Variants in ANKEF1 observed in about 807,000 individuals in gnomAD.
ANKEF1 encodes ankyrin repeat and EF-hand domain-containing protein 1.
Under a neutral mutation model 65.1 loss-of-function variants are expected in ANKEF1, and 43 were observed. The observed-to-expected ratio is 0.66, with a 90% CI of 0.52 to 0.85. The LOEUF is 0.85. ANKEF1 is among the 40% of genes least tolerant of loss of function. The pLI is 0.00. For missense variants in ANKEF1, 934 were observed against 952.9 expected, an observed-to-expected ratio of 0.98 and a Z score of 0.26; for synonymous variants, 316 against 341.5, an observed-to-expected ratio of 0.93 and a Z score of 0.82.
chr20:10,035,673 T>G (rs1331690648), intron 2 of ANKEF1, 31 bp downstream of exon 2: 2 of 152,154 alleles, frequency 1.3e-5, no homozygotes, highest in Non-Finnish European at 2.9e-5. Context: ...TATATCCAAC[T>G]AGTTTGTGTA....
chr20:10,049,778 C>CTTA lies in ANKEF1; in HGVS notation c.1209_1210insTTA (p.Asn403_Lys404insLeu), dbSNP rs754209169. On this transcript the variant is annotated inframe_insertion, in exon 7 of 11. Transcript: ENST00000378392. ...TCTTTAAAGGAACCAGATATTTAAACAAGTCTTTTGTCTTAGGATCGTATG... is the reference window on the plus strand; with the variant it reads ...TCTTTAAAGGAACCAGATATTTAAACTTAAAGTCTTTTGTCTTAGGATCGTATG... 2 of 1,613,880 alleles carry CTTA rather than the reference C, an allele frequency of 1.2e-6. No individual in the cohort carries two copies. The highest frequency in any genetic ancestry group is 2.7e-5 in the African/African-American group (2 of 74,886).
chr20:10,057,352 A>C lies in ANKEF1; in HGVS notation c.*1692A>C, dbSNP rs2122295486. The C allele has an allele frequency of 6.6e-6, 1 of 152,168 alleles. No homozygotes were observed. Among genetic ancestry groups the C allele is most frequent in the South Asian group, 2.1e-4 (1 of 4,808 alleles). 9.4% of individuals were successfully genotyped at this position (152,168 alleles called of 1,614,324 possible). On this transcript the variant is annotated 3_prime_UTR_variant, in exon 11 of 11. Coordinates refer to ENST00000378392, the MANE Select transcript of ANKEF1 (RefSeq NM_022096.6). ...ATCCCAAGATTTGCTATTACAACTA[A>C]ATTTTGTCTGTTTTGTAAGGTTTTG...
At chr20:10,052,784 T>G (rs1052548187) in intron 8 of ANKEF1, among the ~76,000 whole-genome samples, 3 of 152,114 alleles carry the variant, frequency 2.0e-5, no homozygotes, top group Non-Finnish European at 4.4e-5. Flanking sequence ...AGAAGGAAAT[T>G]TGCACAATGT....
intron 2 of ANKEF1, among the ~76,000 whole-genome samples, chr20:10,036,964 G>T (rs1747899511): frequency 6.6e-6 from 1 of 152,130 alleles, no homozygotes; most frequent in Admixed American, 6.5e-5. Context: ...CAGCAAAGGA[G>T]CCTGAGCAGG....
chr20:10,039,589 A>G (rs552372407), intron 3 of ANKEF1, among the ~76,000 whole-genome samples: 207 of 152,366 alleles, frequency 1.4e-3, no homozygotes, highest in Non-Finnish European at 1.4e-3. Context: ...ACGTAAGAAA[A>G]TAAACTTCAG....
At chr20:10,050,862 C>A (rs140400046) in intron 7 of ANKEF1, among the ~76,000 whole-genome samples, 35 of 152,248 alleles carry the variant, frequency 2.3e-4, no homozygotes, top group African/African-American at 7.0e-4. Context: ...TGCTTTGGTC[C>A]CAAAACCTGC....
chr20:10,050,560 TAATA>T (rs909905205), intron 7 of ANKEF1, among the ~76,000 whole-genome samples: 2 of 152,112 alleles, frequency 1.3e-5, no homozygotes, highest in Non-Finnish European at 2.9e-5. Context: ...TTAAAGCCTA[TAATA>T]AATTAATTAA....
intron 8 of ANKEF1, among the ~76,000 whole-genome samples, chr20:10,052,772 A>T (rs1234482905): frequency 6.6e-6 from 1 of 152,220 alleles, no homozygotes; most frequent in Non-Finnish European, 1.5e-5. Context: ...TATCTATCAC[A>T]TAGAAGGAAA....
rs1425810359 is a variant in ANKEF1 at position 10,057,571 on chromosome 20, ACTAT to A, written c.*1914_*1917del. 2.6e-5 allele frequency: 4 copies of A among 152,136 alleles called. No homozygotes were observed. The highest frequency in any genetic ancestry group is 4.4e-5 in the Non-Finnish European group (3 of 68,026). 9.4% of individuals were successfully genotyped at this position (152,136 alleles called of 1,614,324 possible). ...ATGTATGTTTAATTTTTGTCCCCGA[ACTAT>A]CTGTGTGTCCGTTGAAGACATGATG... On this transcript the variant is annotated 3_prime_UTR_variant, in exon 11 of 11. Coordinates refer to ENST00000378392, the MANE Select transcript of ANKEF1 (RefSeq NM_022096.6).
chr20:10,055,265 G>A (rs563586795), intron 10 of ANKEF1, among the ~76,000 whole-genome samples: 39 of 152,146 alleles, frequency 2.6e-4, no homozygotes, highest in South Asian at 1.9e-3. Context: ...TAATATTTCC[G>A]ACATTATTTG....
intron 2 of ANKEF1, among the ~76,000 whole-genome samples, chr20:10,035,994 A>T (rs533548787): frequency 6.6e-6 from 1 of 152,208 alleles, no homozygotes; most frequent in Admixed American, 6.5e-5. Flanking sequence ...GTGTGCTTGT[A>T]TGTGGAGGAT....
rs1256195214 is a variant in ANKEF1, at chr20:10,055,622, G to A, written c.2293G>A (p.Glu765Lys). The A allele has an allele frequency of 6.2e-7, 1 of 1,613,804 alleles. No homozygotes were observed. Among genetic ancestry groups the A allele is most frequent in the Non-Finnish European group, 8.5e-7 (1 of 1,179,816 alleles). The change falls in exon 11 of 11, where the codon GAG becomes AAG. Residue 765 changes from glutamate to lysine, a missense_variant. By Grantham distance (56) the Glu-to-Lys change is moderately conservative. Transcript: ENST00000378392. Reference sequence around the variant, plus strand: ...GATGCCTTTTCAGAAGAACATCACAGAGAAAGCTCGAGCACTGGAAGCTGC... The same window carrying A: ...GATGCCTTTTCAGAAGAACATCACAAAGAAAGCTCGAGCACTGGAAGCTGC... ...FMMPFQKNIT[E>K]KARALEAALK...
At chr20:10,050,864 A>C (rs1355065466) in intron 7 of ANKEF1, among the ~76,000 whole-genome samples, 2 of 152,200 alleles carry the variant, frequency 1.3e-5, no homozygotes, top group African/African-American at 2.4e-5. Context: ...CTTTGGTCCC[A>C]AAACCTGCTG....
chr20:10,053,670 T>G (rs1984992619), intron 9 of ANKEF1, among the ~76,000 whole-genome samples: 1 of 152,278 alleles, frequency 6.6e-6, no homozygotes, highest in South Asian at 2.1e-4. Context: ...TTTCTTCATT[T>G]TGGTCTCATT....
chr20:10,053,234 C>T lies in ANKEF1; in HGVS notation c.1993C>T (p.Pro665Ser). The T allele has an allele frequency of 6.2e-7, 1 of 1,610,500 alleles. No homozygotes were observed. Among genetic ancestry groups the T allele is most frequent in the Non-Finnish European group, 8.5e-7 (1 of 1,179,000 alleles). ...TCAAAAACTAAAAGGCAAGACACCT[C>T]CTATACTGAAGACTGAAGGCCCTGA... ...ENQKLKGKTPPILKTEGPEIK... is the reference protein window; with the variant it reads ...ENQKLKGKTPSILKTEGPEIK... The change falls in exon 9 of 11, where the codon CCT becomes TCT. Residue 665 changes from proline (P) to serine (S), a missense_variant. Pro to Ser is a moderately conservative substitution (Grantham distance 74, BLOSUM62 -1). Coordinates refer to ENST00000378392, the MANE Select transcript of ANKEF1 (RefSeq NM_022096.6).
intron 9 of ANKEF1, among the ~76,000 whole-genome samples, chr20:10,053,702 G>A (rs1984994202): frequency 6.6e-6 from 1 of 152,000 alleles, no homozygotes; most frequent in Non-Finnish European, 1.5e-5. Flanking sequence ...CCCTTTCATT[G>A]CCCACCACTT....
At position 10,043,149 on chromosome 20, in the gene ANKEF1, C is replaced by T; in HGVS notation, c.374C>T (p.Thr125Ile). The change falls in exon 4 of 11, where the codon ACT becomes ATT. Residue 125 changes from threonine to isoleucine, a missense_variant. Thr to Ile is a moderately conservative substitution (Grantham distance 89). Transcript: ENST00000378392. ...KGVLFYCILP[T>I]KRHYRCALIA... The stretch of plus-strand genomic sequence containing the variant: ...GTTTTGTTTTACTGCATTTTACCGA[C>T]TAAGCGGCATTATCGCTGTGCTCTG... The T allele has an allele frequency of 5.0e-6, 8 of 1,614,150 alleles. No homozygotes were observed. Among genetic ancestry groups the T allele is most frequent in the Non-Finnish European group, 5.9e-6 (7 of 1,180,012 alleles).
intron 3 of ANKEF1, 82 bp downstream of exon 3, chr20:10,038,729 C>T: frequency 1.8e-6 from 2 of 1,116,216 alleles, no homozygotes; most frequent in Non-Finnish European, 2.5e-6. Context: ...TTTTGTTTTC[C>T]AACTTTAGAA....
chr20:10,036,341 G>C (rs905953791), intron 2 of ANKEF1, among the ~76,000 whole-genome samples: 3 of 151,610 alleles, frequency 2.0e-5, no homozygotes, highest in Non-Finnish European at 4.4e-5. Context: ...ACCTATGTAG[G>C]AGCATCTTGC....
Sources: gnomAD v4.1 joint callset for allele counts (sites outside exome capture counted in the v4.1 genomes callset) on GRCh38, gnomAD v4.1.1 for gene constraint, MANE v1.5 for transcripts, NCBI Gene and HGNC (gene_info 2026-07-23, HGNC 2026-07-21) for gene names.